Variants in CD2AP observed in about 807,000 individuals in gnomAD.
CD2AP encodes CD2-associated protein.
In CD2AP, 46 loss-of-function variants were observed where a neutral mutation model predicts 85.1. The observed-to-expected ratio is 0.54, with a 90% CI of 0.43 to 0.69. The LOEUF (loss-of-function observed/expected upper bound fraction) is 0.69. Ranked by LOEUF, CD2AP falls within the 30% of genes least tolerant of loss-of-function variation. The pLI is 0.00. For missense variants in CD2AP, 769 were observed against 729.5 expected, an observed-to-expected ratio of 1.05 and a Z score of -0.62; for synonymous variants, 255 against 252.9, an observed-to-expected ratio of 1.01 and a Z score of -0.08.
At chr6:47,610,414 G>T (rs1769398302) in intron 16 of CD2AP, among the ~76,000 whole-genome samples, 2 of 151,960 alleles carry the variant, frequency 1.3e-5, no homozygotes, top group Non-Finnish European at 2.9e-5. Flanking sequence ...AAAAGTTATG[G>T]CCAAATAAAA....
At position 47,503,190 on chromosome 6, in the gene CD2AP, AAC is replaced by A. The variant is rs1351393056; in HGVS notation, c.5-88_5-87del. 5 of 1,235,078 alleles carry A rather than the reference AAC, an allele frequency of 4.0e-6. No individual in the cohort carries two copies. In the African/African-American group the frequency reaches 6.1e-5, roughly 15 times the overall value. 76.5% of individuals were successfully genotyped at this position (1,235,078 alleles called of 1,614,324 possible). On this transcript the variant is annotated intron_variant, in intron 1 of 17. Coordinates refer to ENST00000359314, the MANE Select transcript of CD2AP (RefSeq NM_012120.3). ...TTTGTGGTATTAAATATTGTTGCTA[AAC>A]AGATTCCTTAGTTTTAAATTTATTA... is the stretch of plus-strand genomic sequence containing the variant.
intron 3 of CD2AP, among the ~76,000 whole-genome samples, chr6:47,540,862 T>C (rs1767196418): frequency 6.6e-6 from 1 of 152,234 alleles, no homozygotes; most frequent in Non-Finnish European, 1.5e-5. Flanking sequence ...TTCAATAATA[T>C]GGATTGTTTG....
chr6:47,547,423 A>T (rs771863187), intron 4 of CD2AP, among the ~76,000 whole-genome samples: 3 of 152,192 alleles, frequency 2.0e-5, no homozygotes. Flanking sequence ...AGCAGTTTAA[A>T]AAGACAAAGA....
intron 1 of CD2AP, among the ~76,000 whole-genome samples, chr6:47,498,804 G>A (rs1174197637): frequency 6.6e-6 from 1 of 152,128 alleles, no homozygotes; most frequent in East Asian, 1.9e-4. Flanking sequence ...TAATCATGAA[G>A]TTGTAGAAAT....
At chr6:47,615,664 C>T (rs1381764584) in intron 17 of CD2AP, among the ~76,000 whole-genome samples, 1 of 151,968 alleles carries the variant, frequency 6.6e-6, no homozygotes, top group Non-Finnish European at 1.5e-5. Context: ...CTCACCTGGC[C>T]CCACCTCCAA....
chr6:47,565,176 G>C (rs971799405), intron 5 of CD2AP, among the ~76,000 whole-genome samples: 1 of 152,046 alleles, frequency 6.6e-6, no homozygotes, highest in African/African-American at 2.4e-5. Context: ...CCACCATTAT[G>C]TTTTCTGTAG....
intron 5 of CD2AP, among the ~76,000 whole-genome samples, chr6:47,570,952 C>CTATTTTAATGATATA (rs1305724717): frequency 2.0e-5 from 3 of 152,064 alleles, no homozygotes; most frequent in Non-Finnish European, 4.4e-5. Flanking sequence ...ATCTAGCCAT[C>CTATTTTAATGATATA]TATTTTAATG....
chr6:47,599,909 A>AT (rs895016034), intron 13 of CD2AP, among the ~76,000 whole-genome samples: 8 of 150,660 alleles, frequency 5.3e-5, no homozygotes, highest in Admixed American at 1.3e-4. Flanking sequence ...CCTTTTGCTA[A>AT]TTTTTTTTTA....
chr6:47,543,668 G>T (rs1215869397), intron 3 of CD2AP, among the ~76,000 whole-genome samples: 20 of 152,142 alleles, frequency 1.3e-4, no homozygotes, highest in Non-Finnish European at 2.9e-4. Context: ...TTCCTCTTTT[G>T]TAAGGATACT....
intron 11 of CD2AP, among the ~76,000 whole-genome samples, chr6:47,585,146 A>T (rs1768588288): frequency 1.3e-5 from 2 of 151,982 alleles, no homozygotes; most frequent in South Asian, 4.2e-4. Context: ...AAAATAAAAA[A>T]AAAAAAACCA....
intron 11 of CD2AP, among the ~76,000 whole-genome samples, chr6:47,588,916 TAAG>T (rs917055646): frequency 2.0e-5 from 3 of 152,168 alleles, no homozygotes; most frequent in Admixed American, 1.3e-4. Context: ...ATGAAACTTA[TAAG>T]AAGAATACTA....
chr6:47,523,913 G>A (rs1339095938), intron 2 of CD2AP, among the ~76,000 whole-genome samples: 3 of 152,044 alleles, frequency 2.0e-5, no homozygotes, highest in Non-Finnish European at 2.9e-5. Context: ...AGTATCCATT[G>A]TGAAAAGTAC....
Position 47,575,887 on chromosome 6 carries a change from T to C in CD2AP, c.730-637T>C, listed in dbSNP as rs1347563396. Reference sequence around the variant, plus strand: ...TTTAAGGTTTAGTTCTGGGTTAAAATCTGGGCTTTGCTGCTAAATTCCTTT... The same window carrying C: ...TTTAAGGTTTAGTTCTGGGTTAAAACCTGGGCTTTGCTGCTAAATTCCTTT... On this transcript the variant is annotated intron_variant, in intron 6 of 17. Transcript: ENST00000359314. Among the ~76,000 whole-genome samples the C allele has an allele frequency of 1.1e-4, 17 of 152,280 alleles. No homozygotes were observed. The East Asian group carries it at 3.1e-3, about 28-fold the overall frequency.
intron 1 of CD2AP, 26 bp downstream of exon 1, chr6:47,478,274 G>T: frequency 1.3e-6 from 2 of 1,566,968 alleles, no homozygotes; most frequent in Non-Finnish European, 1.7e-6. Flanking sequence ...GCTTCCCGCC[G>T]CCCGTCCGGA....
chr6:47,552,649 C>T (rs1199824287), intron 4 of CD2AP, among the ~76,000 whole-genome samples: 1 of 152,148 alleles, frequency 6.6e-6, no homozygotes, highest in Non-Finnish European at 1.5e-5. Flanking sequence ...TACTACTCTG[C>T]CTCCTAAACC....
intron 15 of CD2AP, among the ~76,000 whole-genome samples, chr6:47,608,229 A>C (rs1307578089): frequency 6.6e-6 from 1 of 152,204 alleles, no homozygotes; most frequent in African/African-American, 2.4e-5. Flanking sequence ...TTTTAATTGA[A>C]TAAAATAAAT....
chr6:47,615,708 G>A (rs1769559309), intron 17 of CD2AP, among the ~76,000 whole-genome samples: 1 of 151,858 alleles, frequency 6.6e-6, no homozygotes, highest in Admixed American at 6.6e-5. Context: ...AGATTTGGTG[G>A]GGACACAGAT....
intron 2 of CD2AP, among the ~76,000 whole-genome samples, chr6:47,520,634 A>G (rs1008484585): frequency 3.3e-5 from 5 of 150,504 alleles, no homozygotes; most frequent in African/African-American, 4.9e-5. Flanking sequence ...AGTGGGGTCT[A>G]TGGTGGTGAT....
At chr6:47,560,774 G>T (rs1282489926) in intron 5 of CD2AP, among the ~76,000 whole-genome samples, 2 of 152,110 alleles carry the variant, frequency 1.3e-5, no homozygotes, top group Admixed American at 6.5e-5. Flanking sequence ...CTTACAATAA[G>T]TGTTTCATGG....
Sources: allele counts gnomAD v4.1 joint callset (sites outside exome capture counted in the v4.1 genomes callset), GRCh38; gene constraint gnomAD v4.1.1; transcripts MANE v1.5; gene names NCBI Gene and HGNC (gene_info 2026-07-23, HGNC 2026-07-21).